Variants in C12orf42 observed in about 807,000 individuals in gnomAD.
C12orf42 encodes uncharacterized protein C12orf42.
C12orf42 carries 25 observed loss-of-function variants against 21.6 expected under a neutral mutation model. The ratio of observed to expected loss-of-function variants is 1.16; its 90% CI spans 0.84 to 1.62. C12orf42 has a LOEUF of 1.62. Among genes scored for constraint, C12orf42 ranks in the 40% most tolerant of loss-of-function variants. C12orf42 has a pLI of 0.00. For synonymous variants in C12orf42, 174 were observed against 175.0 expected (o/e 0.99, Z 0.05); for missense variants, 483 against 459.3 (o/e 1.05, Z -0.47).
chr12:103,434,125 AC>A (rs2139389892), intron 2 of C12orf42, among the ~76,000 whole-genome samples: 1 of 152,350 alleles, frequency 6.6e-6, no homozygotes, highest in Non-Finnish European at 1.5e-5. Flanking sequence ...AAATGGCAAG[AC>A]CAGCTTCTTG....
the C12orf42 span, among the ~76,000 whole-genome samples, chr12:103,510,446 A>G: frequency 2.0e-5 from 3 of 152,310 alleles, no homozygotes; most frequent in African/African-American, 7.2e-5. Flanking sequence ...AATCTCACAA[A>G]TCACCACTAA....
At chr12:103,236,941 A>T (rs562438576), downstream of C12orf42, among the ~76,000 whole-genome samples, 7 of 152,304 alleles carry the variant, frequency 4.6e-5, no homozygotes, top group Admixed American at 1.3e-4. Flanking sequence ...ATTCAGCAGC[A>T]TATCGTAGGT....
intron 2 of C12orf42, among the ~76,000 whole-genome samples, chr12:103,424,287 T>C (rs887477200): frequency 6.6e-6 from 1 of 152,148 alleles, no homozygotes; most frequent in Non-Finnish European, 1.5e-5. Flanking sequence ...ATAAGGAAAA[T>C]ATGTTGCTAC....
intron 3 of C12orf42, among the ~76,000 whole-genome samples, chr12:103,373,590 G>A (rs373475687): frequency 6.6e-6 from 1 of 152,180 alleles, no homozygotes; most frequent in Admixed American, 6.5e-5. Flanking sequence ...ACACCTAGCA[G>A]CAACTGTAAT....
chr12:103,465,724 T>C (rs1308633350), intron 2 of C12orf42, among the ~76,000 whole-genome samples: 2 of 152,242 alleles, frequency 1.3e-5, no homozygotes, highest in Admixed American at 6.5e-5. Context: ...CAGTATGATA[T>C]TGGCTGTGGG....
intron 2 of C12orf42, among the ~76,000 whole-genome samples, chr12:103,448,503 A>G (rs1191039779): frequency 3.3e-5 from 5 of 152,038 alleles, no homozygotes; most frequent in Admixed American, 3.3e-4. Context: ...TTAAGAGAAA[A>G]CCCACAGAGT....
chr12:103,294,636 G>GAAAGAAAGAA (rs1480779632), intron 4 of C12orf42, among the ~76,000 whole-genome samples: 25 of 144,190 alleles, frequency 1.7e-4, no homozygotes, highest in Non-Finnish European at 2.7e-4. Flanking sequence ...AAGAAAGAAA[G>GAAAGAAAGAA]AAGGAAAAGA....
intron 10 of C12orf42, among the ~76,000 whole-genome samples, chr12:103,241,806 C>T (rs376574633): frequency 1.8e-4 from 28 of 152,176 alleles, no homozygotes; most frequent in African/African-American, 6.3e-4. Flanking sequence ...TTAAAACAAA[C>T]GGGATCAAAA....
At chr12:103,088,900 G>A in the C12orf42 span, among the ~76,000 whole-genome samples, 3 of 151,924 alleles carry the variant, frequency 2.0e-5, no homozygotes, top group African/African-American at 2.4e-5. Flanking sequence ...TCAGGAGATC[G>A]AGACCATCCT....
chr12:103,148,793 TTAAG>T, the C12orf42 span, among the ~76,000 whole-genome samples: 109 of 152,328 alleles, frequency 7.2e-4, no homozygotes, highest in African/African-American at 2.3e-3. Flanking sequence ...CTCTGGTGAA[TTAAG>T]TGTTATTAAA....
intron 2 of C12orf42, among the ~76,000 whole-genome samples, chr12:103,415,492 A>C (rs1301692867): frequency 1.3e-5 from 2 of 152,212 alleles, no homozygotes; most frequent in African/African-American, 2.4e-5. Context: ...TCTCATCTGC[A>C]CACAGAACAT....
At chr12:103,396,616 G>C (rs1319871120) in intron 3 of C12orf42, 3 of 152,142 alleles carry the variant, frequency 2.0e-5, no homozygotes, top group African/African-American at 7.2e-5. Context: ...CATTATTTTA[G>C]ATCCTTGGTC....
At chr12:103,219,798 T>C in the C12orf42 span, among the ~76,000 whole-genome samples, 2 of 152,174 alleles carry the variant, frequency 1.3e-5, no homozygotes, top group African/African-American at 4.8e-5. Context: ...TAGGAATGCT[T>C]ATACACTGTT....
chr12:103,419,881 A>G (rs934536617), intron 2 of C12orf42, among the ~76,000 whole-genome samples: 1 of 152,210 alleles, frequency 6.6e-6, no homozygotes. Flanking sequence ...GTTTTCTGCC[A>G]CAAAACTAAA....
chr12:103,433,767 G>C (rs1019304844), intron 2 of C12orf42, among the ~76,000 whole-genome samples: 7 of 152,178 alleles, frequency 4.6e-5, no homozygotes, highest in African/African-American at 1.7e-4. Flanking sequence ...ATTTTACCAA[G>C]TGCAAAAATG....
chr12:103,080,993 CTA>C, the C12orf42 span: 1 of 152,184 alleles, frequency 6.6e-6, no homozygotes, highest in South Asian at 2.1e-4. Context: ...AACTACAATG[CTA>C]TGTTTTGCCT....
the C12orf42 span, among the ~76,000 whole-genome samples, chr12:103,539,152 A>G: frequency 6.6e-6 from 1 of 152,234 alleles, no homozygotes; most frequent in African/African-American, 2.4e-5. Context: ...TAGTTCATTT[A>G]ATGTTTACCA....
intron 2 of C12orf42, chr12:103,476,825 G>T (rs375877824): frequency 3.5e-4 from 54 of 152,116 alleles, no homozygotes; most frequent in African/African-American, 1.3e-3. Context: ...CAATAGTAGG[G>T]TATTTACAGA....
the C12orf42 span, among the ~76,000 whole-genome samples, chr12:103,228,455 T>G: frequency 6.6e-6 from 1 of 152,122 alleles, no homozygotes; most frequent in Non-Finnish European, 1.5e-5. Context: ...GCAGGGCATA[T>G]TCACTTCTTT....
Sources: allele counts gnomAD v4.1 joint callset (sites outside exome capture counted in the v4.1 genomes callset), GRCh38; gene constraint gnomAD v4.1.1; transcripts MANE v1.5; gene names NCBI Gene and HGNC (gene_info 2026-07-23, HGNC 2026-07-21).